CTNNA2: variants seen among roughly 807,000 people sequenced by gnomAD.
The protein encoded by CTNNA2 is catenin alpha 2.
Under a neutral mutation model 101.0 loss-of-function variants are expected in CTNNA2, and 42 were observed. The ratio of observed to expected loss-of-function variants is 0.42; its 90% CI spans 0.32 to 0.54. The LOEUF is 0.54. Among genes scored for constraint, CTNNA2 ranks in the 20% least tolerant of loss-of-function variants. The pLI is 0.14. For synonymous variants in CTNNA2, 450 were observed against 456.4 expected, an observed-to-expected ratio of 0.99 and a Z score of 0.18; for missense variants, 871 against 1,223.1, an observed-to-expected ratio of 0.71 and a Z score of 4.29.
At chr2:80,077,265 A>T (rs1044021836) in intron 7 of CTNNA2, among the ~76,000 whole-genome samples, 1 of 152,232 alleles carries the variant, frequency 6.6e-6, no homozygotes, top group Non-Finnish European at 1.5e-5. Flanking sequence ...TAAGAAAGTA[A>T]ATAACACTTT....
intron 1 of CTNNA2, chr2:79,573,816 G>A (rs1342226060): frequency 6.6e-6 from 1 of 152,140 alleles, no homozygotes; most frequent in African/African-American, 2.4e-5. Context: ...GTGGTATAAG[G>A]CCTACTCCTC....
At chr2:79,527,858 G>A (rs1254016090) in intron 1 of CTNNA2, among the ~76,000 whole-genome samples, 2 of 152,116 alleles carry the variant, frequency 1.3e-5, no homozygotes, top group East Asian at 1.9e-4. Context: ...ACCAAACTCT[G>A]TACATTTATA....
At chr2:80,517,806 A>G (rs1559174909) in intron 9 of CTNNA2, among the ~76,000 whole-genome samples, 1 of 152,190 alleles carries the variant, frequency 6.6e-6, no homozygotes, top group Non-Finnish European at 1.5e-5. Context: ...TTTCTGGACA[A>G]TATTTATTTT....
chr2:80,069,311 A>G (rs566797836), intron 7 of CTNNA2, among the ~76,000 whole-genome samples: 9 of 152,210 alleles, frequency 5.9e-5, no homozygotes, highest in Admixed American at 1.3e-4. Flanking sequence ...ACCGTCACAG[A>G]GACAAGTAGG....
chr2:79,775,564 A>G (rs1673901223), intron 3 of CTNNA2, among the ~76,000 whole-genome samples: 1 of 152,206 alleles, frequency 6.6e-6, no homozygotes, highest in African/African-American at 2.4e-5. Context: ...CCTATCAACC[A>G]ATCACCAAGG....
intron 3 of CTNNA2, among the ~76,000 whole-genome samples, chr2:79,811,656 T>C (rs1037541061): frequency 6.6e-6 from 1 of 152,188 alleles, no homozygotes; most frequent in Non-Finnish European, 1.5e-5. Flanking sequence ...AATCAAGTAA[T>C]GCCTTCTAAC....
At chr2:79,546,424 T>G (rs1673735793) in intron 1 of CTNNA2, among the ~76,000 whole-genome samples, 1 of 152,172 alleles carries the variant, frequency 6.6e-6, no homozygotes, top group African/African-American at 2.4e-5. Context: ...GAAACCATCT[T>G]TTTAAAAGTA....
chr2:79,651,475 T>G, intron 1 of CTNNA2, 77 bp from the exon 2 acceptor site: 2 of 1,346,914 alleles, frequency 1.5e-6, no homozygotes, highest in South Asian at 2.4e-5. Flanking sequence ...TTTCAGTGAT[T>G]TACCCATTTT....
intron 2 of CTNNA2, among the ~76,000 whole-genome samples, chr2:79,202,645 G>A (rs1157014354): frequency 1.3e-5 from 2 of 152,170 alleles, no homozygotes; most frequent in African/African-American, 4.8e-5. Flanking sequence ...TGAGAGAATA[G>A]CTCAATATTA....
At chr2:79,554,244 C>T (rs1296567058) in intron 1 of CTNNA2, among the ~76,000 whole-genome samples, 1 of 151,820 alleles carries the variant, frequency 6.6e-6, no homozygotes, top group Non-Finnish European at 1.5e-5. Flanking sequence ...ATTTGAAAGA[C>T]TCAGAATACA....
chr2:80,203,821 G>T (rs1256662142), intron 7 of CTNNA2, among the ~76,000 whole-genome samples: 1 of 152,206 alleles, frequency 6.6e-6, no homozygotes, highest in Non-Finnish European at 1.5e-5. Context: ...CTTAGCAGAG[G>T]TTCTCTATGA....
At chr2:79,222,454 G>A (rs1438770848) in intron 2 of CTNNA2, among the ~76,000 whole-genome samples, 1 of 152,174 alleles carries the variant, frequency 6.6e-6, no homozygotes. Context: ...ATCAGCAGTG[G>A]TGCCACGTGG....
intron 7 of CTNNA2, among the ~76,000 whole-genome samples, chr2:80,006,540 G>A (rs898945697): frequency 2.0e-5 from 3 of 151,772 alleles, no homozygotes; most frequent in Admixed American, 6.6e-5. Context: ...GGCTGGTCTC[G>A]AACTCCTGAC....
At chr2:80,336,193 T>A (rs1040923861) in intron 7 of CTNNA2, among the ~76,000 whole-genome samples, 26 of 152,314 alleles carry the variant, frequency 1.7e-4, no homozygotes, top group Non-Finnish European at 1.0e-4. Flanking sequence ...ATTCAGTGTC[T>A]GGTGAGGGTT....
At chr2:80,534,903 A>T (rs141855209) in intron 9 of CTNNA2, among the ~76,000 whole-genome samples, 100 of 152,154 alleles carry the variant, frequency 6.6e-4, no homozygotes, top group African/African-American at 2.0e-3. Flanking sequence ...AACATTGGAG[A>T]CTCCCCTAAA....
intron 2 of CTNNA2, among the ~76,000 whole-genome samples, chr2:79,207,259 C>A (rs895417011): frequency 6.6e-6 from 1 of 152,134 alleles, no homozygotes; most frequent in Non-Finnish European, 1.5e-5. Context: ...CTGGACATTT[C>A]TTTGAGTGTG....
intron 7 of CTNNA2, among the ~76,000 whole-genome samples, chr2:80,217,125 C>T (rs1391114927): frequency 6.6e-6 from 1 of 152,056 alleles, no homozygotes; most frequent in African/African-American, 2.4e-5. Context: ...AGCCACCGAG[C>T]CCAGCCTATT....
chr2:79,568,995 C>T, intron 1 of CTNNA2, among the ~76,000 whole-genome samples: 1 of 151,954 alleles, frequency 6.6e-6, no homozygotes, highest in Non-Finnish European at 1.5e-5. Context: ...GATCATACCC[C>T]TGCACTACAG....
intron 6 of CTNNA2, among the ~76,000 whole-genome samples, chr2:79,902,482 G>T (rs887926528): frequency 6.6e-6 from 1 of 152,078 alleles, no homozygotes; most frequent in South Asian, 2.1e-4. Flanking sequence ...ATTAATACAG[G>T]TGCCCATACC....
Sources: allele counts gnomAD v4.1 joint callset (sites outside exome capture counted in the v4.1 genomes callset), GRCh38; gene constraint gnomAD v4.1.1; transcripts MANE v1.5; gene names NCBI Gene and HGNC (gene_info 2026-07-23, HGNC 2026-07-21).